THSD7B: variants seen among roughly 807,000 people sequenced by gnomAD.
THSD7B encodes the protein thrombospondin type 1 domain containing 7B.
THSD7B carries 138 observed loss-of-function variants against 213.6 expected under a neutral mutation model. The observed-to-expected ratio is 0.65, with a 90% CI of 0.56 to 0.74. The LOEUF is 0.74. Ranked by LOEUF, THSD7B falls within the 30% of genes least tolerant of loss-of-function variation. THSD7B has a pLI of 0.00. For missense variants in THSD7B, 1,931 were observed against 1,991.5 expected (o/e 0.97, Z 0.58); for synonymous variants, 742 against 687.0 (o/e 1.08, Z -1.25).
At chr2:137,382,153 C>G (rs1463658223) in intron 12 of THSD7B, among the ~76,000 whole-genome samples, 3 of 151,928 alleles carry the variant, frequency 2.0e-5, no homozygotes, top group Admixed American at 2.0e-4. Flanking sequence ...GAGCCAGAAA[C>G]AGTTTGTCTT....
chr2:137,257,376 A>G (rs1027936468), intron 10 of THSD7B, among the ~76,000 whole-genome samples: 4 of 152,208 alleles, frequency 2.6e-5, no homozygotes, highest in African/African-American at 9.6e-5. Flanking sequence ...AACAGTAGTA[A>G]GCAATTGGCT....
At chr2:137,399,295 C>T (rs568082949) in intron 12 of THSD7B, among the ~76,000 whole-genome samples, 5 of 151,526 alleles carry the variant, frequency 3.3e-5, no homozygotes, top group East Asian at 2.0e-4. Context: ...TGGATTCAAG[C>T]GATTTTCCTC....
At chr2:137,081,477 C>T (rs149716183) in intron 3 of THSD7B, among the ~76,000 whole-genome samples, 1,758 of 151,942 alleles carry the variant, frequency 0.012, 19 homozygotes, top group Non-Finnish European at 0.02. Context: ...TCTTGGACAT[C>T]TTGTTATTCA....
intron 2 of THSD7B, among the ~76,000 whole-genome samples, chr2:136,999,532 T>G (rs1685962795): frequency 6.6e-6 from 1 of 151,982 alleles, no homozygotes; most frequent in Non-Finnish European, 1.5e-5. Context: ...TGAACTTGGC[T>G]GAATTCACCC....
At chr2:137,346,044 C>G (rs1264472266) in intron 12 of THSD7B, among the ~76,000 whole-genome samples, 3 of 151,666 alleles carry the variant, frequency 2.0e-5, no homozygotes, top group African/African-American at 7.2e-5. Context: ...TCAGGGCCTC[C>G]TATGTCTTCC....
chr2:137,432,643 A>G (rs1444308131), intron 14 of THSD7B, among the ~76,000 whole-genome samples: 1 of 152,140 alleles, frequency 6.6e-6, no homozygotes, highest in Admixed American at 6.5e-5. Flanking sequence ...TCCCAATGTC[A>G]TTTTCAACCA....
At chr2:137,662,287 G>A (rs1415899434) in intron 25 of THSD7B, among the ~76,000 whole-genome samples, 2 of 130,618 alleles carry the variant, frequency 1.5e-5, no homozygotes, top group South Asian at 2.4e-4. Context: ...GTTTCACCAC[G>A]TTAGCCAGGA....
At chr2:137,590,525 G>C (rs1335914894) in intron 17 of THSD7B, among the ~76,000 whole-genome samples, 1 of 152,128 alleles carries the variant, frequency 6.6e-6, no homozygotes, top group Admixed American at 6.6e-5. Flanking sequence ...GTGTATGTGT[G>C]TGTTTGTGTA....
chr2:137,308,853 T>A (rs544321984), intron 12 of THSD7B, among the ~76,000 whole-genome samples: 1 of 152,254 alleles, frequency 6.6e-6, no homozygotes, highest in East Asian at 1.9e-4. Flanking sequence ...TTTGCAGACA[T>A]ATCTTAAAGT....
At chr2:137,480,052 A>G (rs1161057765) in intron 15 of THSD7B, among the ~76,000 whole-genome samples, 2 of 152,208 alleles carry the variant, frequency 1.3e-5, no homozygotes, top group Non-Finnish European at 2.9e-5. Flanking sequence ...TAGGCACCCA[A>G]CGAAGTTTGG....
chr2:136,793,886 T>A (rs1682012871), intron 1 of THSD7B, among the ~76,000 whole-genome samples: 1 of 151,896 alleles, frequency 6.6e-6, no homozygotes, highest in Non-Finnish European at 1.5e-5. Flanking sequence ...AGGCATTCAT[T>A]TGTAAAGCCT....
chr2:137,418,510 A>C (rs1308200125), intron 14 of THSD7B, among the ~76,000 whole-genome samples: 1 of 152,240 alleles, frequency 6.6e-6, no homozygotes, highest in East Asian at 1.9e-4. Context: ...GGTTAAGTAG[A>C]ACATTCATCA....
At chr2:136,832,065 A>G (rs1319691325) in intron 1 of THSD7B, among the ~76,000 whole-genome samples, 3 of 152,208 alleles carry the variant, frequency 2.0e-5, no homozygotes, top group East Asian at 3.9e-4. Context: ...TGCATTTTGT[A>G]TTAGCAATTT....
chr2:137,216,146 T>A (rs1236803035), intron 7 of THSD7B, among the ~76,000 whole-genome samples: 2 of 152,138 alleles, frequency 1.3e-5, no homozygotes, highest in African/African-American at 2.4e-5. Context: ...GATATGCTTG[T>A]GTTTTAAAAT....
chr2:137,313,908 A>C (rs1439170431), intron 12 of THSD7B, among the ~76,000 whole-genome samples: 1 of 152,166 alleles, frequency 6.6e-6, no homozygotes, highest in Non-Finnish European at 1.5e-5. Flanking sequence ...CTTTGAGCGT[A>C]ACCCGACCTT....
intron 15 of THSD7B, among the ~76,000 whole-genome samples, chr2:137,543,797 G>A (rs950614635): frequency 2.6e-5 from 4 of 151,626 alleles, no homozygotes; most frequent in South Asian, 2.1e-4. Context: ...ATTAATAAAT[G>A]GGCTCAGGAC....
chr2:136,768,050 C>T (rs1049578210), intron 1 of THSD7B, among the ~76,000 whole-genome samples: 3 of 152,138 alleles, frequency 2.0e-5, no homozygotes, highest in Non-Finnish European at 4.4e-5. Flanking sequence ...TGAAGACTGA[C>T]ATTAACAAAT....
intron 1 of THSD7B, among the ~76,000 whole-genome samples, chr2:136,839,931 A>G (rs1682898279): frequency 1.3e-5 from 2 of 152,216 alleles, no homozygotes; most frequent in African/African-American, 2.4e-5. Flanking sequence ...GCATTTATTG[A>G]GTACCAGCTA....
intron 1 of THSD7B, among the ~76,000 whole-genome samples, chr2:136,793,153 G>T (rs952184980): frequency 6.6e-6 from 1 of 152,020 alleles, no homozygotes; most frequent in African/African-American, 2.4e-5. Context: ...TTAAGAAACT[G>T]CTGAATTCTT....
Sources: gnomAD v4.1 joint callset for allele counts (sites outside exome capture counted in the v4.1 genomes callset) on GRCh38, gnomAD v4.1.1 for gene constraint, MANE v1.5 for transcripts, NCBI Gene and HGNC (gene_info 2026-07-23, HGNC 2026-07-21) for gene names.